Variants in ARHGAP18 observed in about 807,000 individuals in gnomAD.
ARHGAP18 encodes Rho GTPase activating protein 18.
Under a neutral mutation model 86.2 loss-of-function variants are expected in ARHGAP18, and 67 were observed. The ratio of observed to expected loss-of-function variants is 0.78; its 90% CI spans 0.64 to 0.95. The LOEUF (loss-of-function observed/expected upper bound fraction) is 0.95. Among genes scored for constraint, ARHGAP18 ranks in the 40% least tolerant of loss-of-function variants. ARHGAP18 has a pLI of 0.00. For missense variants in ARHGAP18, 691 were observed against 780.4 expected (o/e 0.89, Z 1.37); for synonymous variants, 283 against 280.4 (o/e 1.01, Z -0.09).
At chr6:129,705,931 A>G (rs1774794996) in intron 1 of ARHGAP18, among the ~76,000 whole-genome samples, 1 of 152,166 alleles carries the variant, frequency 6.6e-6, no homozygotes, top group Admixed American at 6.5e-5. Context: ...TTCTGGGTTT[A>G]TGTCACCCCT....
intron 6 of ARHGAP18, among the ~76,000 whole-genome samples, chr6:129,617,515 C>T (rs1789121591): frequency 6.6e-6 from 1 of 152,030 alleles, no homozygotes; most frequent in Admixed American, 6.6e-5. Context: ...AACATAAAAT[C>T]AGTATCTTGG....
At chr6:129,645,475 AAC>A (rs769650754) in intron 1 of ARHGAP18, among the ~76,000 whole-genome samples, 2 of 152,304 alleles carry the variant, frequency 1.3e-5, no homozygotes, top group African/African-American at 4.8e-5. Flanking sequence ...AAATCAAAGA[AAC>A]ACACAGTTTA....
At chr6:129,603,944 C>T (rs560050507) in intron 10 of ARHGAP18, among the ~76,000 whole-genome samples, 60 of 152,314 alleles carry the variant, frequency 3.9e-4, no homozygotes, top group African/African-American at 1.4e-3. Flanking sequence ...CAACTGAAGG[C>T]GTGCTGCTAG....
intron 9 of ARHGAP18, among the ~76,000 whole-genome samples, chr6:129,607,587 C>T (rs1408463446): frequency 1.3e-5 from 2 of 151,274 alleles, no homozygotes; most frequent in African/African-American, 4.8e-5. Context: ...TCTTATGTGA[C>T]TCATTCTATT....
chr6:129,665,178 GCAAAGTAGAA>G (rs1433731447), intron 1 of ARHGAP18, among the ~76,000 whole-genome samples: 1 of 152,080 alleles, frequency 6.6e-6, no homozygotes, highest in Non-Finnish European at 1.5e-5. Context: ...ACACAATACA[GCAAAGTAGAA>G]CAAGGGTTTA....
chr6:129,709,585 C>G (rs890009151), intron 1 of ARHGAP18, among the ~76,000 whole-genome samples: 4 of 152,246 alleles, frequency 2.6e-5, no homozygotes, highest in African/African-American at 7.2e-5. Flanking sequence ...AAAAAACACT[C>G]TAACAACAAC....
chr6:129,703,838 A>T lies in ARHGAP18; in HGVS notation c.113+6186T>A, dbSNP rs139338336. On this transcript the variant is annotated intron_variant, in intron 1 of 14. Coordinates refer to ENST00000368149, the MANE Select transcript of ARHGAP18 (RefSeq NM_033515.3). ...CAATTATCCCCATGGACAGGTTTAA[A>T]TCCATTTAGTCACTAAATTCTATGA... Among the ~76,000 whole-genome samples, 373 of 152,358 alleles carry T rather than the reference A, an allele frequency of 2.4e-3. 2 individuals carry two copies. Among genetic ancestry groups the T allele is most frequent in the African/African-American group, 8.5e-3 (353 of 41,584 alleles).
intron 7 of ARHGAP18, among the ~76,000 whole-genome samples, chr6:129,615,444 G>T (rs1381174629): frequency 1.3e-5 from 2 of 152,182 alleles, no homozygotes; most frequent in Admixed American, 1.3e-4. Context: ...TTTGGAAGAG[G>T]GGAAGAATAA....
intron 1 of ARHGAP18, among the ~76,000 whole-genome samples, chr6:129,677,063 C>CA (rs1259247032): frequency 1.3e-5 from 2 of 151,528 alleles, no homozygotes; most frequent in Admixed American, 1.3e-4. Context: ...GGGAGACTGT[C>CA]AGAGTCCTGT....
At chr6:129,679,313 T>C (rs1409327424) in intron 1 of ARHGAP18, among the ~76,000 whole-genome samples, 3 of 152,234 alleles carry the variant, frequency 2.0e-5, no homozygotes, top group Admixed American at 1.3e-4. Context: ...AAACTGTAGT[T>C]ATTATTCATT....
intron 1 of ARHGAP18, among the ~76,000 whole-genome samples, chr6:129,679,064 T>A (rs1189061902): frequency 6.6e-6 from 1 of 152,238 alleles, no homozygotes. Flanking sequence ...TACATTATTC[T>A]GAATATCAAT....
At chr6:129,629,263 G>T in intron 5 of ARHGAP18, 90 bp downstream of exon 5, 1 of 978,092 alleles carries the variant, frequency 1.0e-6, no homozygotes, top group Non-Finnish European at 1.5e-6. Context: ...ATATATATAT[G>T]TGTGTGTGCG....
At chr6:129,706,225 T>A (rs569937163) in intron 1 of ARHGAP18, among the ~76,000 whole-genome samples, 1 of 152,114 alleles carries the variant, frequency 6.6e-6, no homozygotes, top group East Asian at 1.9e-4. Context: ...TTCGAAAAAA[T>A]TCTTTTCAAA....
At position 129,608,063 on chromosome 6, in the gene ARHGAP18, CGAA is replaced by C. The variant is rs1788893772; in HGVS notation, c.1123-14_1123-12del. 68 of 643,442 alleles carry C rather than the reference CGAA, an allele frequency of 1.1e-4. No individual in the cohort carries two copies. Among genetic ancestry groups the C allele is most frequent in the Admixed American group, 5.2e-4 (6 of 11,522 alleles). The allele number at this position is 643,442 out of a possible 1,614,324, so 39.9% of individuals were successfully genotyped here. On this transcript the variant is annotated splice_polypyrimidine_tract_variant and intron_variant, in intron 8 of 14. Transcript: ENST00000368149. ...TTCTTGGCAAAGATTCTGATAGGCACGAAAAAAAAAAAAAAAAAAAAAAGAAGC... is the reference window on the plus strand; with the variant it reads ...TTCTTGGCAAAGATTCTGATAGGCACAAAAAAAAAAAAAAAAAAAAGAAGC...
At chr6:129,684,406 A>C (rs935891227) in intron 1 of ARHGAP18, among the ~76,000 whole-genome samples, 3 of 152,118 alleles carry the variant, frequency 2.0e-5, no homozygotes, top group Admixed American at 6.5e-5. Context: ...ATAAAATTCA[A>C]TTGTGGTTAG....
intron 10 of ARHGAP18, 32 bp downstream of exon 10, chr6:129,605,845 A>G: frequency 6.4e-7 from 1 of 1,562,858 alleles, no homozygotes; most frequent in Non-Finnish European, 8.8e-7. Context: ...CTTACTTCTA[A>G]GGGATATTTA....
chr6:129,607,646 T>C (rs1052020967), intron 9 of ARHGAP18, among the ~76,000 whole-genome samples: 1 of 152,198 alleles, frequency 6.6e-6, no homozygotes, highest in African/African-American at 2.4e-5. Context: ...ATATATTGTA[T>C]TGCTTAAATG....
intron 1 of ARHGAP18, among the ~76,000 whole-genome samples, chr6:129,691,500 C>T (rs17057615): frequency 0.19 from 29,240 of 152,142 alleles, 3,186 homozygotes; most frequent in South Asian, 0.29. Context: ...TAGATTATTA[C>T]GATTTCAGGT....
chr6:129,708,683 G>A (rs950751190), intron 1 of ARHGAP18, among the ~76,000 whole-genome samples: 2 of 152,210 alleles, frequency 1.3e-5, no homozygotes, highest in Non-Finnish European at 2.9e-5. Context: ...TCCTGAGCTT[G>A]TATAATTTTG....
Sources: allele counts gnomAD v4.1 joint callset (sites outside exome capture counted in the v4.1 genomes callset), GRCh38; gene constraint gnomAD v4.1.1; transcripts MANE v1.5; gene names NCBI Gene and HGNC (gene_info 2026-07-23, HGNC 2026-07-21).